BASP1: variants seen among roughly 807,000 people sequenced by gnomAD.
BASP1 encodes the protein brain abundant membrane attached signal protein 1.
Under a neutral mutation model 2.2 loss-of-function variants are expected in BASP1, and 1 was observed. That is an observed-to-expected ratio of 0.46 (90% CI 0.16 to 2.17). BASP1 has a LOEUF of 2.17. BASP1 is among the 30% of genes most tolerant of loss of function. The probability of loss-of-function intolerance (pLI) is 0.27; values close to 1 mark genes in which losing one functional copy is unlikely to be tolerated. For missense variants in BASP1, 352 were observed against 327.2 expected (o/e 1.08, Z -0.58); for synonymous variants, 187 against 154.2 (o/e 1.21, Z -1.58).
rs1039305772 is a variant in BASP1 at position 17,244,679 on chromosome 5, T to C, written c.-10+26869T>C. Among the ~76,000 whole-genome samples the C allele has an allele frequency of 2.0e-5, 3 of 151,808 alleles. No individual in the cohort carries two copies. In the South Asian group the frequency reaches 6.2e-4, roughly 31 times the overall value. On this transcript the variant is annotated intron_variant, in intron 1 of 1. Coordinates refer to ENST00000322611, the MANE Select transcript of BASP1 (RefSeq NM_006317.5). ...TATTTGTGTTTATGTATATCAAAGA[T>C]ACTATAATTGTAGTGTTTTTTTTTT...
chr5:17,219,146 C>G (rs1392542311), intron 1 of BASP1, among the ~76,000 whole-genome samples: 3 of 151,908 alleles, frequency 2.0e-5, no homozygotes, highest in African/African-American at 7.3e-5. Context: ...AACAGACCCC[C>G]AGTATACTGC....
intron 1 of BASP1, among the ~76,000 whole-genome samples, chr5:17,225,656 A>T (rs1739485886): frequency 6.6e-6 from 1 of 152,236 alleles, no homozygotes; most frequent in Non-Finnish European, 1.5e-5. Flanking sequence ...TGGGGGCTAT[A>T]GAGCAAGCGG....
intron 1 of BASP1, among the ~76,000 whole-genome samples, chr5:17,247,925 C>A (rs1395895392): frequency 1.3e-5 from 2 of 152,096 alleles, no homozygotes; most frequent in African/African-American, 4.8e-5. Context: ...GCATTGGTGA[C>A]CAGAGAAATT....
chr5:17,243,697 C>T (rs1203548477), intron 1 of BASP1, among the ~76,000 whole-genome samples: 1 of 152,166 alleles, frequency 6.6e-6, no homozygotes, highest in Non-Finnish European at 1.5e-5. Context: ...GATTGTGTCT[C>T]ACCATATGAT....
rs896694475 is a variant in BASP1 at position 17,236,029 on chromosome 5, CTT to C, written c.-10+18228_-10+18229del. 6.7e-6 allele frequency among the ~76,000 whole-genome samples: 1 copy of C among 149,868 alleles called. No individual in the cohort carries two copies. The highest frequency in any genetic ancestry group is 1.5e-5 in the Non-Finnish European group (1 of 67,272). On this transcript the variant is annotated intron_variant, in intron 1 of 1. Transcript: ENST00000322611. The surrounding 1 kb of genome is among the most constrained non-coding windows in gnomAD (Gnocchi z 4.0). ...TTGCAAACTTTCTTAAAACATGAGA[CTT>C]TTTTTTTTCTTTTTTAGCTCATTAG...
chr5:17,241,249 A>T (rs960548145), intron 1 of BASP1, among the ~76,000 whole-genome samples: 1 of 151,930 alleles, frequency 6.6e-6, no homozygotes, highest in African/African-American at 2.4e-5. Flanking sequence ...ATAGACATGT[A>T]CCACCAGTCC....
chr5:17,224,719 G>T (rs1441637097), intron 1 of BASP1, among the ~76,000 whole-genome samples: 1 of 152,142 alleles, frequency 6.6e-6, no homozygotes, highest in African/African-American at 2.4e-5. Flanking sequence ...TCTTACTGAG[G>T]ACTATAAATG....
At position 17,222,332 on chromosome 5, in the gene BASP1, T is replaced by C. The variant is rs544426059; in HGVS notation, c.-10+4522T>C. 1.4e-3 allele frequency among the ~76,000 whole-genome samples: 209 copies of C among 152,304 alleles called. 2 individuals are homozygous for C. Among genetic ancestry groups the C allele is most frequent in the African/African-American group, 4.6e-3 (191 of 41,570 alleles). On this transcript the variant is annotated intron_variant, in intron 1 of 1. Coordinates refer to ENST00000322611, the MANE Select transcript of BASP1 (RefSeq NM_006317.5). ...AGGTCTGCTTATACTTATACTTATG[T>C]AACTTAAGAAGTGGCATTTAAGTTC...
intron 1 of BASP1, among the ~76,000 whole-genome samples, chr5:17,261,391 A>T (rs1016618968): frequency 4.6e-5 from 7 of 152,210 alleles, no homozygotes; most frequent in African/African-American, 1.7e-4. Context: ...TACTTAAGAA[A>T]TCCTAAGTGT....
chr5:17,220,294 A>G (rs975544290), intron 1 of BASP1, among the ~76,000 whole-genome samples: 1 of 152,058 alleles, frequency 6.6e-6, no homozygotes, highest in Admixed American at 6.5e-5. Flanking sequence ...TGTACTCCTT[A>G]GTATTGAGTA....
chr5:17,220,639 T>C (rs1028514009), intron 1 of BASP1, among the ~76,000 whole-genome samples: 3 of 152,176 alleles, frequency 2.0e-5, no homozygotes, highest in African/African-American at 4.8e-5. Flanking sequence ...CAGTCTGCCA[T>C]TGTGACGTGT....
rs367917006 is a variant in BASP1 at position 17,238,844 on chromosome 5, TTAA to T, written c.-10+21036_-10+21038del. Among the ~76,000 whole-genome samples, 756 of 152,346 alleles carry T rather than the reference TTAA, an allele frequency of 5.0e-3. 8 individuals are homozygous for T. Among genetic ancestry groups the T allele is most frequent in the African/African-American group, 0.017 (724 of 41,580 alleles). On this transcript the variant is annotated intron_variant, in intron 1 of 1. Transcript: ENST00000322611. Reference sequence around the variant, plus strand: ...GAATGTTCTTTTTGAGTGTCAGTTATTAATCATCTGTTTTCCGTTCAACTTTGG... The same window carrying T: ...GAATGTTCTTTTTGAGTGTCAGTTATTCATCTGTTTTCCGTTCAACTTTGG...
chr5:17,227,239 T>G (rs1208737593), intron 1 of BASP1, among the ~76,000 whole-genome samples: 1 of 148,594 alleles, frequency 6.7e-6, no homozygotes, highest in Non-Finnish European at 1.5e-5. Flanking sequence ...TTTTTTCTTT[T>G]TAGACAGTCT....
chr5:17,224,366 C>T (rs550533259), intron 1 of BASP1, among the ~76,000 whole-genome samples: 1 of 135,352 alleles, frequency 7.4e-6, no homozygotes, highest in Admixed American at 7.3e-5. Context: ...TAAAAAGTTT[C>T]CTAGGATTTC....
chr5:17,222,551 T>C (rs1739411478), intron 1 of BASP1, among the ~76,000 whole-genome samples: 1 of 152,106 alleles, frequency 6.6e-6, no homozygotes, highest in Non-Finnish European at 1.5e-5. Flanking sequence ...CACCAGAATA[T>C]AGTTCAATTG....
chr5:17,267,141 A>T (rs1187006491), intron 1 of BASP1, among the ~76,000 whole-genome samples: 2 of 152,264 alleles, frequency 1.3e-5, no homozygotes, highest in Non-Finnish European at 2.9e-5. Flanking sequence ...TTAGCATCGC[A>T]TAAAAGGAAA....
intron 1 of BASP1, among the ~76,000 whole-genome samples, chr5:17,219,764 C>T (rs1034253583): frequency 2.0e-5 from 3 of 152,174 alleles, no homozygotes; most frequent in African/African-American, 7.2e-5. Flanking sequence ...GGGATCCTAA[C>T]CCTTTCTGTT....
At chr5:17,266,632 C>A (rs1012272711) in intron 1 of BASP1, among the ~76,000 whole-genome samples, 1 of 152,034 alleles carries the variant, frequency 6.6e-6, no homozygotes, top group Non-Finnish European at 1.5e-5. Flanking sequence ...CATGGTGAAA[C>A]CCCGTCTCTA....
At chr5:17,216,841 G>C (rs1226929575), upstream of BASP1, 1 of 152,494 alleles carries the variant, frequency 6.6e-6, no homozygotes, top group African/African-American at 2.4e-5. The surrounding 1 kb of genome is among the most constrained non-coding windows in gnomAD (Gnocchi z 6.4). Flanking sequence ...CGTTTGCAGC[G>C]GCGCAGCCCA....
Sources: allele counts gnomAD v4.1 joint callset (sites outside exome capture counted in the v4.1 genomes callset), GRCh38; gene constraint gnomAD v4.1.1; non-coding constraint Gnocchi (gnomAD v3.1); transcripts MANE v1.5; gene names NCBI Gene and HGNC (gene_info 2026-07-23, HGNC 2026-07-21).